Variants in MECOM observed in about 807,000 individuals in gnomAD.
MECOM encodes the protein histone-lysine N-methyltransferase MECOM.
Under a neutral mutation model 116.3 loss-of-function variants are expected in MECOM, and 13 were observed. The ratio of observed to expected loss-of-function variants is 0.11; its 90% CI spans 0.07 to 0.18. The LOEUF (loss-of-function observed/expected upper bound fraction) is 0.18. Among genes scored for constraint, MECOM ranks in the 10% least tolerant of loss-of-function variants. MECOM has a pLI of 1.00. For synonymous variants in MECOM, 528 were observed against 535.2 expected, an observed-to-expected ratio of 0.99 and a Z score of 0.19; for missense variants, 1,299 against 1,509.0, an observed-to-expected ratio of 0.86 and a Z score of 2.31.
chr3:169,502,716 C>T (rs931735794), intron 1 of MECOM, among the ~76,000 whole-genome samples: 1 of 151,944 alleles, frequency 6.6e-6, no homozygotes, highest in Admixed American at 6.6e-5. Context: ...CTTTAAAGTT[C>T]AACATCATTA....
chr3:169,219,368 G>T (rs148186544), intron 2 of MECOM, among the ~76,000 whole-genome samples: 2 of 152,134 alleles, frequency 1.3e-5, no homozygotes, highest in Admixed American at 6.5e-5. Context: ...TTAGCCAGGC[G>T]TGGTGGTGGG....
chr3:169,553,992 G>A (rs1227588355), intron 1 of MECOM, among the ~76,000 whole-genome samples: 2 of 152,168 alleles, frequency 1.3e-5, no homozygotes, highest in African/African-American at 2.4e-5. Flanking sequence ...TGGGGAGGGC[G>A]GGGAGGGTCA....
In MECOM at chr3:169,187,580, G is replaced by T. The variant is rs536064609; in HGVS notation, c.376-43748C>A. ...ATGGAGAGGGGAAAAATAAAGAAAT[G>T]GGTGTGGAATAAGACTCTATATTAA... On this transcript the variant is annotated intron_variant, in intron 2 of 16. Coordinates refer to ENST00000651503, the MANE Select transcript of MECOM (RefSeq NM_004991.4). Among the ~76,000 whole-genome samples, 7 of 152,138 alleles carry T rather than the reference G, an allele frequency of 4.6e-5. No homozygotes were observed. The South Asian group carries it at 1.4e-3, about 32-fold the overall frequency.
intron 1 of MECOM, among the ~76,000 whole-genome samples, chr3:169,383,380 C>G (rs1732797130): frequency 6.6e-6 from 1 of 152,164 alleles, no homozygotes; most frequent in South Asian, 2.1e-4. Flanking sequence ...CATCTGCCCT[C>G]AAATTGATTC....
chr3:169,352,301 C>T (rs985804626), intron 2 of MECOM, among the ~76,000 whole-genome samples: 3 of 151,570 alleles, frequency 2.0e-5, no homozygotes, highest in South Asian at 2.1e-4. Flanking sequence ...TTCTTAAAAC[C>T]GGTCATTTTT....
intron 2 of MECOM, among the ~76,000 whole-genome samples, chr3:169,264,340 T>C (rs1758002893): frequency 6.6e-6 from 1 of 152,246 alleles, no homozygotes; most frequent in South Asian, 2.1e-4. Context: ...CAAAATTGAT[T>C]GAATATACTG....
At chr3:169,096,967 T>TGG (rs1721693184) in intron 12 of MECOM, among the ~76,000 whole-genome samples, 4 of 18,732 alleles carry the variant, frequency 2.1e-4, no homozygotes, top group African/African-American at 9.5e-4. Context: ...TAGCCCCAGT[T>TGG]TTTTTTTTTT....
At chr3:169,229,877 G>A (rs115870134) in intron 2 of MECOM, among the ~76,000 whole-genome samples, 4 of 152,100 alleles carry the variant, frequency 2.6e-5, no homozygotes, top group South Asian at 4.2e-4. Flanking sequence ...ATAATATAAT[G>A]TGGGTAAAAA....
intron 1 of MECOM, among the ~76,000 whole-genome samples, chr3:169,426,538 A>G (rs1239576463): frequency 1.3e-5 from 2 of 152,204 alleles, no homozygotes; most frequent in East Asian, 1.9e-4. Context: ...TTTGCCTTCC[A>G]TCCTTCTCAG....
chr3:169,472,518 G>GAAAGGAAAGAAAAGAAAAGA (rs1553863131), intron 1 of MECOM, among the ~76,000 whole-genome samples: 6 of 70,106 alleles, frequency 8.6e-5, no homozygotes, highest in Admixed American at 1.6e-4. Flanking sequence ...GAAAGGAAAG[G>GAAAGGAAAGAAAAGAAAAGA]AAAGAAAAGA....
intron 1 of MECOM, among the ~76,000 whole-genome samples, chr3:169,442,347 A>G (rs1313794920): frequency 6.6e-6 from 1 of 152,168 alleles, no homozygotes; most frequent in Non-Finnish European, 1.5e-5. Flanking sequence ...GGTGTAAGCC[A>G]CCTTGCCCAG....
chr3:169,424,446 G>A (rs575161698), intron 1 of MECOM, among the ~76,000 whole-genome samples: 9 of 152,120 alleles, frequency 5.9e-5, no homozygotes, highest in Admixed American at 2.0e-4. Flanking sequence ...ACAAGTTGGC[G>A]GTCCATCTCC....
At chr3:169,183,082 A>T (rs1210603845) in intron 2 of MECOM, among the ~76,000 whole-genome samples, 2 of 152,200 alleles carry the variant, frequency 1.3e-5, no homozygotes, top group African/African-American at 4.8e-5. Context: ...TGTAGTACTT[A>T]TAATGCTAAT....
chr3:169,421,006 A>T (rs1395207054), intron 1 of MECOM, among the ~76,000 whole-genome samples: 1 of 152,096 alleles, frequency 6.6e-6, no homozygotes, highest in African/African-American at 2.4e-5. Context: ...CACATTTGGC[A>T]ATGATGACAG....
In MECOM at chr3:169,247,012, A is replaced by AT. The variant is rs952579568; in HGVS notation, c.376-103181dup. On this transcript the variant is annotated intron_variant, in intron 2 of 16. Coordinates refer to ENST00000651503, the MANE Select transcript of MECOM (RefSeq NM_004991.4). The stretch of plus-strand genomic sequence containing the variant: ...TGGCAATAGCCTATTATTTAAAGAG[A>AT]TTTTTTTAAGGTATAGACCATTTTT... Among the ~76,000 whole-genome samples, 71 of 152,240 alleles carry AT rather than the reference A, an allele frequency of 4.7e-4. 1 individual carries two copies. Among genetic ancestry groups the AT allele is most frequent in the African/African-American group, 1.5e-3 (63 of 41,540 alleles).
At chr3:169,119,433 T>C (rs968808050) in intron 7 of MECOM, among the ~76,000 whole-genome samples, 19 of 152,348 alleles carry the variant, frequency 1.2e-4, no homozygotes, top group Admixed American at 5.2e-4. Context: ...GGAAATACTT[T>C]ATGCAATCTG....
intron 2 of MECOM, among the ~76,000 whole-genome samples, chr3:169,337,865 A>G (rs1292967884): frequency 2.0e-5 from 3 of 152,186 alleles, no homozygotes; most frequent in Non-Finnish European, 2.9e-5. Context: ...AATATAATCT[A>G]TACTCAGCCA....
chr3:169,545,884 TTCCCA>T (rs756268537), intron 1 of MECOM, among the ~76,000 whole-genome samples: 4 of 152,216 alleles, frequency 2.6e-5, no homozygotes, highest in Non-Finnish European at 4.4e-5. Context: ...CTCGCTTCTC[TTCCCA>T]ATCTCTTTTT....
chr3:169,203,340 T>G (rs189329727), intron 2 of MECOM, among the ~76,000 whole-genome samples: 1 of 152,236 alleles, frequency 6.6e-6, no homozygotes, highest in Admixed American at 6.6e-5. Flanking sequence ...AACGTGGTAT[T>G]TATGTTTAAA....
Sources: gnomAD v4.1 joint callset for allele counts (sites outside exome capture counted in the v4.1 genomes callset) on GRCh38, gnomAD v4.1.1 for gene constraint, MANE v1.5 for transcripts, NCBI Gene and HGNC (gene_info 2026-07-23, HGNC 2026-07-21) for gene names.